UBR2: variants seen among roughly 807,000 people sequenced by gnomAD.
The protein encoded by UBR2 is ubiquitin protein ligase E3 component n-recognin 2.
In UBR2, 92 loss-of-function variants were observed where a neutral mutation model predicts 247.9. The ratio of observed to expected loss-of-function variants is 0.37; its 90% CI spans 0.31 to 0.44. UBR2 has a LOEUF of 0.44. UBR2 is among the 20% of genes least tolerant of loss of function. The pLI is 1.00. For missense variants in UBR2, 1,613 were observed against 2,112.6 expected, an observed-to-expected ratio of 0.76 and a Z score of 4.64; for synonymous variants, 672 against 693.5, an observed-to-expected ratio of 0.97 and a Z score of 0.49.
intron 21 of UBR2, 88 bp from the exon 22 acceptor site, chr6:42,648,030 G>A (rs937870036): frequency 1.9e-6 from 2 of 1,029,994 alleles, no homozygotes; most frequent in Non-Finnish European, 1.5e-6. Flanking sequence ...ACCTTAGGTT[G>A]TTATGAGGGT....
intron 17 of UBR2, 138 bp from the exon 18 acceptor site, chr6:42,642,278 A>G (rs1796494896): frequency 7.8e-6 from 5 of 642,614 alleles, no homozygotes. Context: ...AATCTTTACT[A>G]AGATAATGTT....
chr6:42,583,992 ATTTTT>A lies in UBR2; in HGVS notation c.339-8141_339-8137del, dbSNP rs199507142. ...CATCATTTCTTCCTCTCCCCATTGA[ATTTTT>A]TTTTTTTTTTTTTTTTTGATACAGA... On this transcript the variant is annotated intron_variant, in intron 2 of 46. Transcript: ENST00000372901. Among the ~76,000 whole-genome samples the A allele has an allele frequency of 7.9e-3, 951 of 120,596 alleles. 7 individuals carry two copies. The highest frequency in any genetic ancestry group is 0.023 in the African/African-American group (704 of 31,278). The allele number at this position is 120,596 out of a possible 152,430, so 79.1% of individuals were successfully genotyped here. A position where few individuals can be genotyped will look rare whatever the true frequency, so the allele number is the denominator to read the frequency against.
In UBR2 at chr6:42,692,059, T is replaced by G. The variant is rs1799778917; in HGVS notation, c.*886T>G. Reference sequence around the variant, plus strand: ...TTATTTTGGCCTCTGTCACATCCAGTTTCTTGAGCTTTTAAGGTAAGCTTC... The same window carrying G: ...TTATTTTGGCCTCTGTCACATCCAGGTTCTTGAGCTTTTAAGGTAAGCTTC... On this transcript the variant is annotated 3_prime_UTR_variant, in exon 47 of 47. Transcript: ENST00000372901. 6.6e-6 allele frequency: 1 copy of G among 152,088 alleles called. No homozygotes were observed. Among genetic ancestry groups the G allele is most frequent in the South Asian group, 2.1e-4 (1 of 4,828 alleles). The allele number at this position is 152,088 out of a possible 1,614,324, so 9.4% of individuals were successfully genotyped here.
At chr6:42,622,877 G>A (rs1293674264) in intron 11 of UBR2, among the ~76,000 whole-genome samples, 1 of 150,934 alleles carries the variant, frequency 6.6e-6, no homozygotes, top group Non-Finnish European at 1.5e-5. Context: ...GTGATGCTCA[G>A]GCCAGTCTCA....
intron 40 of UBR2, 80 bp downstream of exon 40, chr6:42,676,953 A>G: frequency 8.6e-7 from 1 of 1,162,168 alleles, no homozygotes; most frequent in Non-Finnish European, 1.3e-6. Flanking sequence ...TTCGTTTGTT[A>G]ATTAGGGGAA....
chr6:42,620,897 C>T (rs1051811354), intron 11 of UBR2, among the ~76,000 whole-genome samples: 12 of 152,068 alleles, frequency 7.9e-5, no homozygotes, highest in Admixed American at 1.3e-4. Context: ...CTCTGCCTCC[C>T]GGGTTCAAGC....
intron 6 of UBR2, 58 bp downstream of exon 6, chr6:42,605,917 T>C: frequency 3.5e-6 from 5 of 1,409,504 alleles, no homozygotes; most frequent in Non-Finnish European, 4.9e-6. Flanking sequence ...TAAGTTACTA[T>C]AGGTAACTGG....
intron 11 of UBR2, among the ~76,000 whole-genome samples, chr6:42,631,893 T>TATATATATATAC (rs1422631490): frequency 2.9e-5 from 4 of 139,972 alleles, no homozygotes; most frequent in African/African-American, 7.9e-5. Context: ...TATATATAAA[T>TATATATATATAC]ACAGGTTCTG....
intron 2 of UBR2, among the ~76,000 whole-genome samples, chr6:42,589,795 T>C (rs2151915613): frequency 6.6e-6 from 1 of 152,358 alleles, no homozygotes; most frequent in African/African-American, 2.4e-5. Context: ...TTAAAGATCA[T>C]GATCCAATGT....
intron 11 of UBR2, among the ~76,000 whole-genome samples, chr6:42,627,213 A>G (rs917324426): frequency 6.6e-6 from 1 of 152,100 alleles, no homozygotes; most frequent in Non-Finnish European, 1.5e-5. Context: ...TGGGGGCCAT[A>G]AGACCAGATA....
At chr6:42,690,986 G>A (rs1582749941) in intron 46 of UBR2, 46 bp from the exon 47 acceptor site, 1 of 1,608,646 alleles carries the variant, frequency 6.2e-7, no homozygotes, top group East Asian at 2.2e-5. Context: ...TATAATAGAG[G>A]AATAAACAGA....
intron 2 of UBR2, among the ~76,000 whole-genome samples, chr6:42,587,477 C>T (rs1026543820): frequency 6.6e-6 from 1 of 152,136 alleles, no homozygotes; most frequent in East Asian, 1.9e-4. Context: ...CTCACCTCAG[C>T]CTCCCAAGTA....
chr6:42,678,731 A>G, intron 41 of UBR2, 62 bp downstream of exon 41: 1 of 1,536,312 alleles, frequency 6.5e-7, no homozygotes, highest in Non-Finnish European at 8.8e-7. Flanking sequence ...CAGCAAATAT[A>G]AAGATCACTT....
chr6:42,657,315 C>T (rs961742730), intron 26 of UBR2, among the ~76,000 whole-genome samples: 1 of 151,810 alleles, frequency 6.6e-6, no homozygotes, highest in African/African-American at 2.4e-5. Flanking sequence ...CTCAACATTA[C>T]TCTTAACTTG....
Position 42,597,777 on chromosome 6 carries a change from G to C in UBR2, c.531+3473G>C, listed in dbSNP as rs190009719. 7.8e-3 allele frequency among the ~76,000 whole-genome samples: 1,178 copies of C among 151,968 alleles called. 11 individuals carry two copies. The highest frequency in any genetic ancestry group is 0.028 in the African/African-American group (1,141 of 41,428). On this transcript the variant is annotated intron_variant, in intron 4 of 46. Coordinates refer to ENST00000372901, the MANE Select transcript of UBR2 (RefSeq NM_001363705.2). Reference sequence around the variant, plus strand: ...ACTAAAAATACAAAATTAGCCGGGCGTGGTGGCACATGCCTGTAATCCCAG... The same window carrying C: ...ACTAAAAATACAAAATTAGCCGGGCCTGGTGGCACATGCCTGTAATCCCAG...
In UBR2 at chr6:42,659,561, ACTACACACACACACACAT is replaced by A; in HGVS notation, c.3243-94_3243-77del. The stretch of plus-strand genomic sequence containing the variant: ...CACACACACACACACACACACACAC[ACTACACACACACACACAT>A]ACCTGTAGTCTGCTATTTTGTGATT... On this transcript the variant is annotated intron_variant, in intron 29 of 46. Transcript: ENST00000372901. This position sits in a 1 kb window ranked among gnomAD's most constrained non-coding sequence, Gnocchi z 4.3. 2.8e-6 allele frequency: 2 copies of A among 724,740 alleles called. No individual in the cohort carries two copies. The highest frequency in any genetic ancestry group is 4.4e-6 in the Non-Finnish European group (2 of 451,820). The allele number at this position is 724,740 out of a possible 1,614,324, so 44.9% of individuals were successfully genotyped here. A position where few individuals can be genotyped will look rare whatever the true frequency, so the allele number is the denominator to read the frequency against.
At position 42,658,826 on chromosome 6, in the gene UBR2, T is replaced by TAA. The variant is rs35416750; in HGVS notation, c.3242+21_3242+22dup. ...AACCTCTGCTGTTCTTGATCATAGG[T>TAA]AAAAAAAAAAAAAAAAAAAATTAAT... On this transcript the variant is annotated splice_region_variant and intron_variant, in intron 29 of 46. Coordinates refer to ENST00000372901, the MANE Select transcript of UBR2 (RefSeq NM_001363705.2). 10,420 of 1,300,832 alleles carry TAA rather than the reference T, an allele frequency of 8.0e-3. 11 individuals carry two copies. The highest frequency in any genetic ancestry group is 0.023 in the African/African-American group (1,399 of 60,676). The allele number at this position is 1,300,832 out of a possible 1,614,324, so 80.6% of individuals were successfully genotyped here. A position where few individuals can be genotyped will look rare whatever the true frequency, so the allele number is the denominator to read the frequency against.
chr6:42,615,214 C>A, intron 9 of UBR2, 36 bp downstream of exon 9: 1 of 1,483,662 alleles, frequency 6.7e-7, no homozygotes, highest in Non-Finnish European at 9.2e-7. Context: ...TGTAGAGGAA[C>A]CTATATAAGT....
At position 42,569,949 on chromosome 6, in the gene UBR2, G is replaced by T. The variant is rs145282042; in HGVS notation, c.79-3785G>T. ...TAGTGAATGCTTATTACTCTCTTAT[G>T]CCACATGGGTGTGACAGCTACAAGT... On this transcript the variant is annotated intron_variant, in intron 1 of 46. Transcript: ENST00000372901. Among the ~76,000 whole-genome samples the T allele has an allele frequency of 1.0e-3, 153 of 152,316 alleles. 1 individual carries two copies. The highest frequency in any genetic ancestry group is 3.4e-3 in the African/African-American group (142 of 41,562).
Sources: allele counts gnomAD v4.1 joint callset (sites outside exome capture counted in the v4.1 genomes callset), GRCh38; gene constraint gnomAD v4.1.1; non-coding constraint Gnocchi (gnomAD v3.1); transcripts MANE v1.5; gene names NCBI Gene and HGNC (gene_info 2026-07-23, HGNC 2026-07-21).